Variants in KCTD8 observed in about 807,000 individuals in gnomAD.
KCTD8 encodes BTB/POZ domain-containing protein KCTD8.
A neutral mutation model predicts 31.5 loss-of-function variants in KCTD8; 27 were observed. That is an observed-to-expected ratio of 0.86 (90% CI 0.63 to 1.18). The LOEUF (loss-of-function observed/expected upper bound fraction) is 1.18, where lower values mean the gene tolerates loss of function less well. Among genes scored for constraint, KCTD8 ranks in the 50% most tolerant of loss-of-function variants. KCTD8 has a pLI of 0.00. For synonymous variants in KCTD8, 290 were observed against 280.0 expected, an observed-to-expected ratio of 1.04 and a Z score of -0.36; for missense variants, 658 against 647.7, an observed-to-expected ratio of 1.02 and a Z score of -0.17.
At chr4:44,405,175 T>TA (rs34854499) in intron 1 of KCTD8, among the ~76,000 whole-genome samples, 38,347 of 149,008 alleles carry the variant, frequency 0.26, 5,029 homozygotes, top group South Asian at 0.31. Flanking sequence ...GGTCTTAGGT[T>TA]AAAAAAAAAA....
At chr4:44,197,683 C>T (rs762252641) in intron 1 of KCTD8, among the ~76,000 whole-genome samples, 17 of 152,070 alleles carry the variant, frequency 1.1e-4, no homozygotes, top group South Asian at 2.1e-4. Flanking sequence ...AATTACACCA[C>T]GGTAAAAGGA....
chr4:44,301,032 C>A (rs1378907678), intron 1 of KCTD8, among the ~76,000 whole-genome samples: 2 of 151,822 alleles, frequency 1.3e-5, no homozygotes, highest in Non-Finnish European at 2.9e-5. Context: ...CATGTCCCTA[C>A]AAAGGACATG....
At chr4:44,337,405 G>A (rs1404972543) in intron 1 of KCTD8, among the ~76,000 whole-genome samples, 1 of 152,088 alleles carries the variant, frequency 6.6e-6, no homozygotes, top group Admixed American at 6.5e-5. Flanking sequence ...GCTGGGCACG[G>A]TGGTTCACGC....
intron 1 of KCTD8, among the ~76,000 whole-genome samples, chr4:44,300,229 T>C (rs1223561433): frequency 6.6e-6 from 1 of 152,150 alleles, no homozygotes; most frequent in Non-Finnish European, 1.5e-5. Context: ...GTTCTGATAT[T>C]TATCAGAGGC....
chr4:44,295,389 T>C (rs1717397798), intron 1 of KCTD8, among the ~76,000 whole-genome samples: 1 of 152,158 alleles, frequency 6.6e-6, no homozygotes, highest in Non-Finnish European at 1.5e-5. Flanking sequence ...ATGTTTGGTT[T>C]GTTCCTGGGC....
At chr4:44,295,742 C>T (rs1462176141) in intron 1 of KCTD8, among the ~76,000 whole-genome samples, 1 of 152,112 alleles carries the variant, frequency 6.6e-6, no homozygotes. Flanking sequence ...TTGCATAAAT[C>T]CATTCATGAA....
chr4:44,444,909 T>C lies in KCTD8; in HGVS notation c.961+2654A>G, dbSNP rs185784158. 5.1e-4 allele frequency among the ~76,000 whole-genome samples: 78 copies of C among 152,118 alleles called. 1 individual carries two copies. The highest frequency in any genetic ancestry group is 3.1e-4 in the Non-Finnish European group (21 of 68,004). On this transcript the variant is annotated intron_variant, in intron 1 of 1. Transcript: ENST00000360029. Reference sequence around the variant, plus strand: ...GTGTTAAAGTGACTGATACTTGTTATACACTAAATAAATGTCACACAACAA... The same window carrying C: ...GTGTTAAAGTGACTGATACTTGTTACACACTAAATAAATGTCACACAACAA...
intron 1 of KCTD8, among the ~76,000 whole-genome samples, chr4:44,261,077 TAC>T (rs1716147159): frequency 6.6e-6 from 1 of 151,980 alleles, no homozygotes; most frequent in South Asian, 2.1e-4. Flanking sequence ...ACTTTGAAGG[TAC>T]AGTTAGTAGA....
At chr4:44,298,613 C>T (rs1717514975) in intron 1 of KCTD8, among the ~76,000 whole-genome samples, 1 of 152,150 alleles carries the variant, frequency 6.6e-6, no homozygotes, top group South Asian at 2.1e-4. Context: ...GAGAAGGTCC[C>T]TAAAACTTGC....
chr4:44,388,404 C>T (rs570641280), intron 1 of KCTD8, among the ~76,000 whole-genome samples: 5 of 151,894 alleles, frequency 3.3e-5, no homozygotes, highest in Admixed American at 1.3e-4. Flanking sequence ...CACATGCACA[C>T]GTATGTTCAC....
chr4:44,192,699 C>A (rs1560390915), intron 1 of KCTD8, among the ~76,000 whole-genome samples: 1 of 152,090 alleles, frequency 6.6e-6, no homozygotes, highest in Non-Finnish European at 1.5e-5. Flanking sequence ...AAGTATAGAT[C>A]CTGGGTGTGT....
intron 1 of KCTD8, among the ~76,000 whole-genome samples, chr4:44,434,473 G>A (rs1476439104): frequency 6.6e-6 from 1 of 151,836 alleles, no homozygotes; most frequent in African/African-American, 2.4e-5. Flanking sequence ...ATTAACTAAA[G>A]GAAATAGGGT....
intron 1 of KCTD8, among the ~76,000 whole-genome samples, chr4:44,262,754 G>C (rs1215524641): frequency 1.3e-5 from 2 of 152,016 alleles, no homozygotes; most frequent in Non-Finnish European, 2.9e-5. Context: ...ATTTAATTAA[G>C]TGGGATGCCT....
chr4:44,228,630 T>A (rs556625225), intron 1 of KCTD8, among the ~76,000 whole-genome samples: 1 of 152,344 alleles, frequency 6.6e-6, no homozygotes, highest in South Asian at 2.1e-4. Context: ...TTCATCTTTC[T>A]TTTTCACTGC....
chr4:44,371,826 C>T (rs1226785902), intron 1 of KCTD8, among the ~76,000 whole-genome samples: 1 of 151,988 alleles, frequency 6.6e-6, no homozygotes, highest in East Asian at 1.9e-4. Flanking sequence ...GTTAGGTATC[C>T]AAAAGCATAT....
At chr4:44,364,473 G>A (rs1462281027) in intron 1 of KCTD8, among the ~76,000 whole-genome samples, 2 of 152,110 alleles carry the variant, frequency 1.3e-5, no homozygotes, top group African/African-American at 4.8e-5. Flanking sequence ...TCTCATTTTT[G>A]ATGAAAGTGC....
In KCTD8 at chr4:44,227,629, C is replaced by A. The variant is rs538370999; in HGVS notation, c.962-52379G>T. 7.9e-4 allele frequency among the ~76,000 whole-genome samples: 121 copies of A among 152,266 alleles called. No individual in the cohort carries two copies. The South Asian group carries it at 0.025, about 31-fold the overall frequency. ...GTAAGCATTTTCTTTGATTGTGTAT[C>A]AGTATTCTCATTATCTGTGGAGATA... On this transcript the variant is annotated intron_variant, in intron 1 of 1. Transcript: ENST00000360029.
chr4:44,332,895 C>G (rs1718626977), intron 1 of KCTD8, among the ~76,000 whole-genome samples: 1 of 151,972 alleles, frequency 6.6e-6, no homozygotes, highest in Admixed American at 6.6e-5. Context: ...TCAGTTGTGA[C>G]AACCAAAAAT....
intron 1 of KCTD8, among the ~76,000 whole-genome samples, chr4:44,178,542 T>C (rs1560386886): frequency 6.6e-6 from 1 of 152,190 alleles, no homozygotes; most frequent in African/African-American, 2.4e-5. Context: ...AAGGAATCTA[T>C]GATTTTCATT....
Sources: allele counts gnomAD v4.1 joint callset (sites outside exome capture counted in the v4.1 genomes callset), GRCh38; gene constraint gnomAD v4.1.1; transcripts MANE v1.5; gene names NCBI Gene and HGNC (gene_info 2026-07-23, HGNC 2026-07-21).